The following HS3ST5 variants were observed in gnomAD, a reference collection of about 807,000 sequenced individuals.
HS3ST5 encodes the protein heparan sulfate glucosamine 3-O-sulfotransferase 5.
HS3ST5 carries 10 observed loss-of-function variants against 25.4 expected under a neutral mutation model. That is an observed-to-expected ratio of 0.39 (90% CI 0.24 to 0.67). The LOEUF (loss-of-function observed/expected upper bound fraction) is 0.67, where lower values mean the gene tolerates loss of function less well. Among genes scored for constraint, HS3ST5 ranks in the 30% least tolerant of loss-of-function variants. HS3ST5 has a pLI of 0.44. For synonymous variants in HS3ST5, 170 were observed against 162.4 expected, an observed-to-expected ratio of 1.05 and a Z score of -0.36; for missense variants, 324 against 420.7, an observed-to-expected ratio of 0.77 and a Z score of 2.01.
intron 3 of HS3ST5, among the ~76,000 whole-genome samples, chr6:114,126,178 C>T (rs1013672771): frequency 1.3e-5 from 2 of 152,052 alleles, no homozygotes; most frequent in African/African-American, 2.4e-5. Context: ...ACACATTCTA[C>T]GCAAGCAAAG....
intron 3 of HS3ST5, among the ~76,000 whole-genome samples, chr6:114,137,827 C>A (rs1490449916): frequency 6.6e-6 from 1 of 152,222 alleles, no homozygotes; most frequent in African/African-American, 2.4e-5. Context: ...GCATCCAACG[C>A]TGTGCCTTGT....
chr6:114,186,176 G>C (rs1220100446), intron 2 of HS3ST5, among the ~76,000 whole-genome samples: 1 of 151,958 alleles, frequency 6.6e-6, no homozygotes, highest in Non-Finnish European at 1.5e-5. Context: ...AAGTATTCAA[G>C]TGAAAGAGTC....
chr6:114,139,468 G>A (rs1423017062), intron 3 of HS3ST5, among the ~76,000 whole-genome samples: 1 of 151,998 alleles, frequency 6.6e-6, no homozygotes, highest in Non-Finnish European at 1.5e-5. Flanking sequence ...TTCAGCATGA[G>A]TAGACCCATT....
Position 114,098,224 on chromosome 6 carries a change from TA to T in HS3ST5, c.-32-35348del, listed in dbSNP as rs1337452941. ...TTTTTGGCTGTGACAATTCTCTTCC[TA>T]AAATCATTTGCTTTCTTTTATTTAA... On this transcript the variant is annotated intron_variant, in intron 3 of 4. Coordinates refer to ENST00000312719, the MANE Select transcript of HS3ST5 (RefSeq NM_153612.4). Among the ~76,000 whole-genome samples the T allele has an allele frequency of 2.6e-5, 4 of 152,082 alleles. No individual in the cohort carries two copies. In the East Asian group the frequency reaches 7.7e-4, roughly 29 times the overall value.
intron 2 of HS3ST5, among the ~76,000 whole-genome samples, chr6:114,204,788 A>G (rs1781196232): frequency 6.6e-6 from 1 of 152,176 alleles, no homozygotes; most frequent in African/African-American, 2.4e-5. Context: ...TGATTTTCAT[A>G]GAAACTACCC....
chr6:114,235,961 C>T (rs1246578902), intron 1 of HS3ST5, among the ~76,000 whole-genome samples: 1 of 152,160 alleles, frequency 6.6e-6, no homozygotes, highest in Non-Finnish European at 1.5e-5. Flanking sequence ...CATGAATCAA[C>T]CTTGCAGTTC....
intron 3 of HS3ST5, among the ~76,000 whole-genome samples, chr6:114,101,006 GT>G (rs1450512001): frequency 1.3e-5 from 2 of 152,154 alleles, no homozygotes; most frequent in African/African-American, 4.8e-5. Context: ...TTGGCAAAGT[GT>G]TTTCTCTAAC....
At chr6:114,290,834 C>CT (rs1222506767) in intron 1 of HS3ST5, among the ~76,000 whole-genome samples, 1 of 133,218 alleles carries the variant, frequency 7.5e-6, no homozygotes, top group Non-Finnish European at 1.8e-5. Flanking sequence ...AGTTGTGTTA[C>CT]TATTTTTTTT....
intron 3 of HS3ST5, among the ~76,000 whole-genome samples, chr6:114,137,502 GTTAATA>G (rs1777685029): frequency 6.6e-6 from 1 of 152,130 alleles, no homozygotes; most frequent in Admixed American, 6.6e-5. Context: ...AATTGAAATA[GTTAATA>G]TTAAGTTGGC....
At chr6:114,228,188 T>G (rs1771398438) in intron 2 of HS3ST5, among the ~76,000 whole-genome samples, 1 of 152,130 alleles carries the variant, frequency 6.6e-6, no homozygotes, top group Admixed American at 6.6e-5. Context: ...TACACATTCT[T>G]ACGACACATC....
At chr6:114,250,284 T>A (rs964655879) in intron 1 of HS3ST5, among the ~76,000 whole-genome samples, 1 of 152,096 alleles carries the variant, frequency 6.6e-6, no homozygotes, top group Non-Finnish European at 1.5e-5. Context: ...AAAGAGATTT[T>A]AAAAAAATTA....
In HS3ST5 at chr6:114,104,795, T is replaced by C. The variant is rs1775909338; in HGVS notation, c.-32-41918A>G. ...AAGGGTTATGTCACGAGACTCATTTTTTGTAGCGTTGTGTATCATTTTCCT... is the reference window on the plus strand; with the variant it reads ...AAGGGTTATGTCACGAGACTCATTTCTTGTAGCGTTGTGTATCATTTTCCT... On this transcript the variant is annotated intron_variant, in intron 3 of 4. Coordinates refer to ENST00000312719, the MANE Select transcript of HS3ST5 (RefSeq NM_153612.4). Among the ~76,000 whole-genome samples the C allele has an allele frequency of 3.9e-5, 6 of 152,202 alleles. No individual in the cohort carries two copies. In the South Asian group the frequency reaches 1.2e-3, roughly 32 times the overall value.
At chr6:114,160,500 C>T (rs1778895957) in intron 3 of HS3ST5, among the ~76,000 whole-genome samples, 1 of 151,974 alleles carries the variant, frequency 6.6e-6, no homozygotes, top group African/African-American at 2.4e-5. Flanking sequence ...AATATTGAGA[C>T]AGAAGTATGA....
intron 1 of HS3ST5, among the ~76,000 whole-genome samples, chr6:114,302,381 T>C (rs764307264): frequency 3.3e-5 from 5 of 152,254 alleles, no homozygotes; most frequent in Non-Finnish European, 7.4e-5. Context: ...CATAGTTAAG[T>C]TTATTAATAA....
At chr6:114,113,133 TAC>T (rs1047456390) in intron 3 of HS3ST5, among the ~76,000 whole-genome samples, 1 of 152,162 alleles carries the variant, frequency 6.6e-6, no homozygotes, top group African/African-American at 2.4e-5. Flanking sequence ...TGAGTCCAGT[TAC>T]TTCTGTCATC....
At chr6:114,161,551 AT>A (rs1778964197) in intron 3 of HS3ST5, among the ~76,000 whole-genome samples, 6 of 92,844 alleles carry the variant, frequency 6.5e-5, no homozygotes, top group African/African-American at 2.2e-4. Flanking sequence ...ATATATATAT[AT>A]ATATATATAT....
intron 3 of HS3ST5, among the ~76,000 whole-genome samples, chr6:114,161,172 A>G (rs534547261): frequency 6.6e-6 from 1 of 152,076 alleles, no homozygotes; most frequent in Admixed American, 6.6e-5. Context: ...GGTCAGCGAT[A>G]TGAGAGGGCA....
chr6:114,056,451 A>T lies in HS3ST5; in HGVS notation c.*806T>A, dbSNP rs1772776693. 1 of 152,208 alleles carries T rather than the reference A, an allele frequency of 6.6e-6. No individual in the cohort carries two copies. The highest frequency in any genetic ancestry group is 2.4e-5 in the African/African-American group (1 of 41,450). 9.4% of individuals were successfully genotyped at this position (152,208 alleles called of 1,614,324 possible). A position where few individuals can be genotyped will look rare whatever the true frequency, so the allele number is the denominator to read the frequency against. ...AAAACAAAATGAGTAAAAAAAAAAA[A>T]AATTGCACATAGAGTAATTTTAATC... On this transcript the variant is annotated 3_prime_UTR_variant, in exon 5 of 5. Transcript: ENST00000312719.
At chr6:114,285,435 CTTAAAAG>C (rs919645524) in intron 1 of HS3ST5, among the ~76,000 whole-genome samples, 1 of 152,012 alleles carries the variant, frequency 6.6e-6, no homozygotes, top group African/African-American at 2.4e-5. Flanking sequence ...TACCCTTGAA[CTTAAAAG>C]TTAAATTTAA....
Sources: gnomAD v4.1 joint callset for allele counts (sites outside exome capture counted in the v4.1 genomes callset) on GRCh38, gnomAD v4.1.1 for gene constraint, MANE v1.5 for transcripts, NCBI Gene and HGNC (gene_info 2026-07-23, HGNC 2026-07-21) for gene names.